The following KIAA1217 variants were observed in gnomAD, a reference collection of about 807,000 sequenced individuals.
KIAA1217 encodes sickle tail protein homolog.
A neutral mutation model predicts 163.9 loss-of-function variants in KIAA1217; 88 were observed. That is an observed-to-expected ratio of 0.54 (90% CI 0.45 to 0.64). The LOEUF (loss-of-function observed/expected upper bound fraction) is 0.64, where lower values mean the gene tolerates loss of function less well. Ranked by LOEUF, KIAA1217 falls within the 30% of genes least tolerant of loss-of-function variation. The probability of loss-of-function intolerance (pLI) is 0.00; values close to 1 mark genes in which losing one functional copy is unlikely to be tolerated. For missense variants in KIAA1217, 2,372 were observed against 2,475.0 expected (o/e 0.96, Z 0.88); for synonymous variants, 903 against 923.1 (o/e 0.98, Z 0.39).
At chr10:24,081,022 A>C (rs1223335102) in intron 2 of KIAA1217, among the ~76,000 whole-genome samples, 2 of 152,196 alleles carry the variant, frequency 1.3e-5, no homozygotes, top group East Asian at 3.8e-4. Context: ...TTTACATTGC[A>C]CTGAAAATGA....
chr10:24,264,782 TC>T (rs1364721374), intron 2 of KIAA1217, among the ~76,000 whole-genome samples: 1 of 151,430 alleles, frequency 6.6e-6, no homozygotes, highest in African/African-American at 2.4e-5. Context: ...TCTCTCTCTC[TC>T]TCTCTCTCTC....
At chr10:24,279,175 G>A (rs2077626633) in intron 2 of KIAA1217, among the ~76,000 whole-genome samples, 1 of 151,646 alleles carries the variant, frequency 6.6e-6, no homozygotes, top group Non-Finnish European at 1.5e-5. Context: ...GGGGATGATT[G>A]AGGATGAAAC....
At chr10:23,751,065 T>C (rs1839712161) in intron 1 of KIAA1217, among the ~76,000 whole-genome samples, 1 of 151,746 alleles carries the variant, frequency 6.6e-6, no homozygotes, top group Admixed American at 6.6e-5. Flanking sequence ...CCTTGTTCTG[T>C]CACCCAGGAT....
chr10:24,510,556 C>G (rs568507976), intron 9 of KIAA1217, among the ~76,000 whole-genome samples: 4 of 152,298 alleles, frequency 2.6e-5, no homozygotes, highest in African/African-American at 9.6e-5. Context: ...ATGAGAATCT[C>G]TCAGTTGGGA....
chr10:24,445,751 G>A lies in KIAA1217; in HGVS notation c.846+7272G>A, dbSNP rs1403406944. ...CTGCATAGTATTCCATGGTGTATAT[G>A]TGCCACATTTTCTTAATCCAGTCTA... On this transcript the variant is annotated intron_variant, in intron 5 of 20. Coordinates refer to ENST00000376454, the MANE Select transcript of KIAA1217 (RefSeq NM_019590.5). Among the ~76,000 whole-genome samples, 6 of 151,990 alleles carry A rather than the reference G, an allele frequency of 3.9e-5. No homozygotes were observed. The East Asian group carries it at 7.8e-4, about 20-fold the overall frequency.
At chr10:24,141,869 T>TA (rs2064099692) in intron 2 of KIAA1217, among the ~76,000 whole-genome samples, 2 of 151,620 alleles carry the variant, frequency 1.3e-5, no homozygotes, top group Admixed American at 1.3e-4. Context: ...TTTCTATTGT[T>TA]TTTTTTTAGT....
At chr10:24,480,335 C>T (rs2064520366) in intron 6 of KIAA1217, among the ~76,000 whole-genome samples, 2 of 152,266 alleles carry the variant, frequency 1.3e-5, no homozygotes. Flanking sequence ...TTCTGCCCTC[C>T]TCCTCGTGAT....
rs1192356071 is a variant in KIAA1217 at position 23,790,277 on chromosome 10, G to GCA, written c.-321+95044_-321+95045dup. Among the ~76,000 whole-genome samples, 2 of 95,156 alleles carry GCA rather than the reference G, an allele frequency of 2.1e-5. 1 individual carries two copies. The highest frequency in any genetic ancestry group is 4.1e-5 in the Non-Finnish European group (2 of 48,756). The allele number at this position is 95,156 out of a possible 152,430, so 62.4% of individuals were successfully genotyped here. A position where few individuals can be genotyped will look rare whatever the true frequency, so the allele number is the denominator to read the frequency against. On this transcript the variant is annotated intron_variant, in intron 1 of 18. Coordinates refer to the KIAA1217 transcript ENST00000376462. ...TATGCACATATGCATATGCACATAT[G>GCA]CATATGCACATATGCATATGCACAT...
intron 6 of KIAA1217, among the ~76,000 whole-genome samples, chr10:24,489,257 C>A (rs1370994670): frequency 2.0e-5 from 3 of 151,364 alleles, no homozygotes; most frequent in African/African-American, 7.3e-5. Flanking sequence ...AAAAAAAGTT[C>A]TATAAATGGA....
chr10:23,730,004 C>T (rs1301142810), intron 1 of KIAA1217, among the ~76,000 whole-genome samples: 2 of 152,110 alleles, frequency 1.3e-5, no homozygotes, highest in Non-Finnish European at 2.9e-5. Flanking sequence ...CAGGTTCACA[C>T]CATTGTCCTG....
chr10:24,296,424 C>A (rs1210948101), intron 2 of KIAA1217, among the ~76,000 whole-genome samples: 1 of 152,152 alleles, frequency 6.6e-6, no homozygotes, highest in Non-Finnish European at 1.5e-5. Context: ...CACATTTTAA[C>A]AAGGGGTCTC....
chr10:24,530,277 T>TG lies in KIAA1217; in HGVS notation c.3083-1552dup, dbSNP rs1322015645. Among the ~76,000 whole-genome samples, 7 of 152,256 alleles carry TG rather than the reference T, an allele frequency of 4.6e-5. No individual in the cohort carries two copies. In the East Asian group the frequency reaches 1.3e-3, roughly 29 times the overall value. On this transcript the variant is annotated intron_variant, in intron 14 of 20. Transcript: ENST00000376454. ...TTGATTCTATCTGATTTTTTAAATT[T>TG]GCCTAAATCACTTTTAAATTACTCC...
intron 3 of KIAA1217, among the ~76,000 whole-genome samples, chr10:24,427,526 C>T (rs1674645815): frequency 6.6e-6 from 1 of 152,202 alleles, no homozygotes; most frequent in Non-Finnish European, 1.5e-5. Context: ...ATTGCTTGGA[C>T]TTTCTGAGCT....
chr10:24,013,937 T>C (rs1027532197), intron 2 of KIAA1217, among the ~76,000 whole-genome samples: 2 of 152,168 alleles, frequency 1.3e-5, no homozygotes, highest in African/African-American at 2.4e-5. Context: ...GTGCTCTTAA[T>C]TGTGGGATGT....
intron 2 of KIAA1217, among the ~76,000 whole-genome samples, chr10:24,055,279 G>T (rs1273918761): frequency 1.3e-5 from 2 of 151,898 alleles, no homozygotes; most frequent in South Asian, 2.1e-4. Context: ...AAAATAAAAA[G>T]AAAAAGAATT....
chr10:23,881,065 AGAG>A (rs1254092039), intron 1 of KIAA1217, among the ~76,000 whole-genome samples: 2 of 151,818 alleles, frequency 1.3e-5, no homozygotes, highest in African/African-American at 4.8e-5. Context: ...TGAGGATTTC[AGAG>A]GAGAGGAGCA....
At position 24,202,679 on chromosome 10, in the gene KIAA1217, C is replaced by T. The variant is rs376053179; in HGVS notation, c.-170-16947C>T. On this transcript the variant is annotated intron_variant, in intron 2 of 18. Coordinates refer to the KIAA1217 transcript ENST00000376462. ...TGAGGGTGGTTTCCATCTTTGGCCT[C>T]ATCCTCCTGGAAGCCCTGCCCCCCA... is the stretch of plus-strand genomic sequence containing the variant. Among the ~76,000 whole-genome samples, 11 of 152,322 alleles carry T rather than the reference C, an allele frequency of 7.2e-5. No individual in the cohort carries two copies. The South Asian group carries it at 2.3e-3, about 32-fold the overall frequency.
rs1281091720 is a variant in KIAA1217, at chr10:23,790,534, TATAC to T, written c.-321+95303_-321+95306del. 4.6e-4 allele frequency among the ~76,000 whole-genome samples: 53 copies of T among 115,926 alleles called. 8 individuals are homozygous for T. The highest frequency in any genetic ancestry group is 1.9e-3 in the African/African-American group (47 of 24,642). 76.1% of individuals were successfully genotyped at this position (115,926 alleles called of 152,430 possible). A position where few individuals can be genotyped will look rare whatever the true frequency, so the allele number is the denominator to read the frequency against. ...ACATATGTATATATACATATATACA[TATAC>T]ATGTGCATATATACATATGTACATA... On this transcript the variant is annotated intron_variant, in intron 1 of 18. Coordinates refer to the KIAA1217 transcript ENST00000376462.
intron 2 of KIAA1217, among the ~76,000 whole-genome samples, chr10:24,298,166 G>A (rs1006615805): frequency 2.0e-5 from 3 of 152,088 alleles, no homozygotes; most frequent in Non-Finnish European, 2.9e-5. Context: ...ATACAGTAAT[G>A]TCTCTGCTCA....
Sources: gnomAD v4.1 joint callset for allele counts (sites outside exome capture counted in the v4.1 genomes callset) on GRCh38, gnomAD v4.1.1 for gene constraint, MANE v1.5 for transcripts, NCBI Gene and HGNC (gene_info 2026-07-23, HGNC 2026-07-21) for gene names.